The following FGD3 variants were observed in gnomAD, a reference collection of about 807,000 sequenced individuals.
The protein encoded by FGD3 is FYVE, RhoGEF and PH domain containing 3, also known as FYVE, RhoGEF and PH domain-containing protein 3.
A neutral mutation model predicts 71.8 loss-of-function variants in FGD3; 45 were observed. The ratio of observed to expected loss-of-function variants is 0.63; its 90% CI spans 0.49 to 0.80. FGD3 has a LOEUF of 0.80. FGD3 is among the 30% of genes least tolerant of loss of function. The probability of loss-of-function intolerance (pLI) is 0.00; values close to 1 mark genes in which losing one functional copy is unlikely to be tolerated. For missense variants in FGD3, 844 were observed against 951.5 expected, an observed-to-expected ratio of 0.89 and a Z score of 1.49; for synonymous variants, 378 against 392.8, an observed-to-expected ratio of 0.96 and a Z score of 0.44.
intron 3 of FGD3, among the ~76,000 whole-genome samples, chr9:92,983,995 G>A (rs1564150179): frequency 6.6e-6 from 1 of 152,108 alleles, no homozygotes; most frequent in Non-Finnish European, 1.5e-5. Context: ...TTTACTTTTG[G>A]TGAAAAACCT....
intron 3 of FGD3, among the ~76,000 whole-genome samples, chr9:92,993,130 A>C (rs375326362): frequency 2.0e-5 from 3 of 151,980 alleles, no homozygotes; most frequent in African/African-American, 7.3e-5. Context: ...CATCTTACTG[A>C]TATCACTCTC....
intron 14 of FGD3, among the ~76,000 whole-genome samples, chr9:93,025,841 G>A (rs1383447896): frequency 1.3e-5 from 2 of 152,174 alleles, no homozygotes; most frequent in African/African-American, 4.8e-5. Context: ...GGGCACCCTT[G>A]ACAGGCCAGT....
intron 16 of FGD3, 141 bp from the exon 17 acceptor site, chr9:93,034,399 TC>T: frequency 8.8e-7 from 1 of 1,136,808 alleles, no homozygotes; most frequent in Non-Finnish European, 1.2e-6. Flanking sequence ...GTGAGGCTGG[TC>T]CCAGTCTCTG....
At chr9:93,002,181 C>T (rs1366534360) in intron 3 of FGD3, among the ~76,000 whole-genome samples, 1 of 152,106 alleles carries the variant, frequency 6.6e-6, no homozygotes, top group East Asian at 1.9e-4. Flanking sequence ...TGTGTTGTTC[C>T]ACTCCATCCT....
At chr9:93,014,862 G>C (rs144209893) in intron 9 of FGD3, among the ~76,000 whole-genome samples, 21 of 152,062 alleles carry the variant, frequency 1.4e-4, no homozygotes, top group African/African-American at 4.3e-4. Context: ...GTCTGGTCTC[G>C]AGCTCCTGAC....
intron 3 of FGD3, among the ~76,000 whole-genome samples, chr9:93,000,051 A>AT (rs34356006): frequency 0.63 from 95,022 of 150,770 alleles, 31,674 homozygotes; most frequent in African/African-American, 0.86. Context: ...TGTTTAATTG[A>AT]TTTTTTTTTG....
intron 10 of FGD3, among the ~76,000 whole-genome samples, 191 bp downstream of exon 10, chr9:93,016,020 G>A (rs1454150698): frequency 2.0e-5 from 3 of 152,184 alleles, no homozygotes; most frequent in African/African-American, 4.8e-5. Flanking sequence ...TGGAAGGGCA[G>A]GATTCCACCC....
At chr9:92,967,217 C>A (rs576858536) in intron 1 of FGD3, among the ~76,000 whole-genome samples, 5 of 152,302 alleles carry the variant, frequency 3.3e-5, no homozygotes, top group Non-Finnish European at 5.9e-5. Flanking sequence ...TCTGCCTTGG[C>A]CTCCCAAAGT....
chr9:93,014,669 T>C (rs989310644), intron 9 of FGD3, among the ~76,000 whole-genome samples: 7 of 152,096 alleles, frequency 4.6e-5, no homozygotes, highest in African/African-American at 1.7e-4. Context: ...TAAGACAGAG[T>C]CTCGCTCTGT....
At chr9:93,019,914 AG>A in intron 12 of FGD3, 53 bp downstream of exon 12, 1 of 1,597,918 alleles carries the variant, frequency 6.3e-7, no homozygotes, top group African/African-American at 1.3e-5. Flanking sequence ...TTGAGCAGTA[AG>A]GCCATTCATG....
In FGD3 at chr9:92,976,729, T is replaced by TC; in HGVS notation, c.453+24dup. On this transcript the variant is annotated intron_variant, in intron 3 of 17. Transcript: ENST00000375482. ...GCCCAGGTAGGCTTCCCCTTCTCTG[T>TC]CCCCGCTGCGGGCTGCAGGCCTTTC... 6.5e-7 allele frequency: 1 copy of TC among 1,543,118 alleles called. No homozygotes were observed. Among genetic ancestry groups the TC allele is most frequent in the South Asian group, 1.2e-5 (1 of 81,020 alleles).
chr9:93,030,062 G>A, intron 15 of FGD3, 66 bp downstream of exon 15: 1 of 1,570,412 alleles, frequency 6.4e-7, no homozygotes, highest in Non-Finnish European at 8.7e-7. Context: ...CAGAGCAGCT[G>A]AGTCCTCACC....
chr9:92,958,002 A>T (rs1267218446), intron 1 of FGD3, among the ~76,000 whole-genome samples: 5 of 137,242 alleles, frequency 3.6e-5, no homozygotes, highest in African/African-American at 5.4e-5. Context: ...AAAATATTTA[A>T]TTTTTTTTTT....
chr9:92,964,063 AG>A (rs1859228294), intron 1 of FGD3: 1 of 152,446 alleles, frequency 6.6e-6, no homozygotes, highest in Admixed American at 6.5e-5. Flanking sequence ...GTCCTCTGTG[AG>A]CAGCCCTGTT....
chr9:93,029,976 C>G lies in FGD3; in HGVS notation c.1660C>G (p.His554Asp), dbSNP rs1460726004. The change falls in exon 15 of 18, where the codon CAC (histidine) becomes GAC (aspartate). Residue 554 changes from histidine to aspartate, a missense_variant. His to Asp is a moderately conservative substitution (Grantham distance 81, BLOSUM62 -1). Transcript: ENST00000375482. The part of the protein sequence containing the change: ...TFNSITKRRH[H>D]CKLCGAVICG... ...CAACTCCATCACCAAGAGGAGGCAT[C>G]ACTGCAAGCTGTGTGGGGCGGTGAG... The G allele has an allele frequency of 6.2e-7, 1 of 1,612,794 alleles. No individual in the cohort carries two copies. Among genetic ancestry groups the G allele is most frequent in the Non-Finnish European group, 8.5e-7 (1 of 1,179,420 alleles).
intron 11 of FGD3, 71 bp from the exon 12 acceptor site, chr9:93,019,760 T>G: frequency 6.9e-7 from 1 of 1,442,756 alleles, no homozygotes; most frequent in East Asian, 2.3e-5. Flanking sequence ...TGCTGCAGGG[T>G]TGAGAGAGGG....
At chr9:93,024,716 A>G (rs1862055872) in intron 14 of FGD3, among the ~76,000 whole-genome samples, 1 of 152,232 alleles carries the variant, frequency 6.6e-6, no homozygotes, top group African/African-American at 2.4e-5. Context: ...GGCGGGTTGT[A>G]GGAACAGCAG....
chr9:93,012,673 G>T (rs1484507970), intron 8 of FGD3, among the ~76,000 whole-genome samples: 1 of 136,254 alleles, frequency 7.3e-6, no homozygotes, highest in East Asian at 2.2e-4. Context: ...TGAGCCACCA[G>T]GTGTGGGCGG....
Position 92,969,012 on chromosome 9 carries a change from G to A in FGD3, c.-217-6226G>A, listed in dbSNP as rs577068369. Reference sequence around the variant, plus strand: ...GCCTCAGTGGGTTTGGGACCTCAAGGCACCAAAGTTAAGCCAGTGAGAAGC... The same window carrying A: ...GCCTCAGTGGGTTTGGGACCTCAAGACACCAAAGTTAAGCCAGTGAGAAGC... On this transcript the variant is annotated intron_variant, in intron 1 of 17. Coordinates refer to ENST00000375482, the MANE Select transcript of FGD3 (RefSeq NM_001083536.2). This position sits in a 1 kb window ranked among gnomAD's most constrained non-coding sequence, Gnocchi z 4.5. 2.6e-5 allele frequency among the ~76,000 whole-genome samples: 4 copies of A among 152,316 alleles called. No individual in the cohort carries two copies. The highest frequency in any genetic ancestry group is 9.6e-5 in the African/African-American group (4 of 41,568).
Sources: allele counts gnomAD v4.1 joint callset (sites outside exome capture counted in the v4.1 genomes callset), GRCh38; gene constraint gnomAD v4.1.1; non-coding constraint Gnocchi (gnomAD v3.1); transcripts MANE v1.5; gene names NCBI Gene and HGNC (gene_info 2026-07-23, HGNC 2026-07-21).